KIF26A: variants seen among roughly 807,000 people sequenced by gnomAD.
KIF26A encodes the protein kinesin family member 26A, also known as kinesin-like protein KIF26A.
KIF26A carries 74 observed loss-of-function variants against 126.0 expected under a neutral mutation model. That is an observed-to-expected ratio of 0.59 (90% CI 0.49 to 0.71). The LOEUF (loss-of-function observed/expected upper bound fraction) is 0.71, where lower values mean the gene tolerates loss of function less well. KIF26A is among the 30% of genes least tolerant of loss of function. The pLI is 0.00. For synonymous variants in KIF26A, 1,445 were observed against 1,232.7 expected (o/e 1.17, Z -3.61); for missense variants, 2,984 against 2,763.3 (o/e 1.08, Z -1.79).
intron 2 of KIF26A, among the ~76,000 whole-genome samples, chr14:104,149,294 G>T (rs1396282232): frequency 6.6e-6 from 1 of 152,170 alleles, no homozygotes; most frequent in Admixed American, 6.5e-5. Flanking sequence ...TGAGAGGAGG[G>T]CCTCGTGGCC....
chr14:104,154,061 A>T (rs1477899334), intron 3 of KIF26A, among the ~76,000 whole-genome samples: 1 of 152,236 alleles, frequency 6.6e-6, no homozygotes, highest in African/African-American at 2.4e-5. Context: ...TAGGATTCAG[A>T]TGAGGTAATT....
chr14:104,140,153 T>C (rs1179862683), intron 2 of KIF26A, among the ~76,000 whole-genome samples: 1 of 152,184 alleles, frequency 6.6e-6, no homozygotes, highest in Admixed American at 6.5e-5. Flanking sequence ...TGGAGTGAGC[T>C]GAGACCCTGA....
Position 104,179,759 on chromosome 14 carries a change from C to A in KIF26A, c.5618C>A (p.Ala1873Asp). ...GACATCAGCGTTGCAGCCAGTGCTGCCATCCCGGGGCCGCAGGAGGTGGAC... is the reference window on the plus strand; with the variant it reads ...GACATCAGCGTTGCAGCCAGTGCTGACATCCCGGGGCCGCAGGAGGTGGAC... ...CFDISVAASA[A>D]IPGPQEVDV is the part of the protein sequence containing the mutation. Residue 1873 changes from alanine (A) to aspartate (D), a missense_variant, in exon 15 of 15, where the codon GCC becomes GAC. Transcript: ENST00000423312. 6.5e-7 allele frequency: 1 copy of A among 1,550,386 alleles called. No homozygotes were observed. Among genetic ancestry groups the A allele is most frequent in the Non-Finnish European group, 8.7e-7 (1 of 1,148,294 alleles).
intron 2 of KIF26A, among the ~76,000 whole-genome samples, chr14:104,145,282 G>C (rs568933395): frequency 1.3e-5 from 2 of 152,344 alleles, no homozygotes; most frequent in African/African-American, 4.8e-5. Flanking sequence ...GGCCATAGCT[G>C]CCTCTCCAGG....
At chr14:104,142,609 C>G (rs2037647174) in intron 2 of KIF26A, among the ~76,000 whole-genome samples, 1 of 152,174 alleles carries the variant, frequency 6.6e-6, no homozygotes. Context: ...TGAGATGTCC[C>G]TGTGGGAGGT....
At position 104,179,615 on chromosome 14, in the gene KIF26A, T is replaced by C; in HGVS notation, c.5474T>C (p.Val1825Ala). 1 of 1,525,858 alleles carries C rather than the reference T, an allele frequency of 6.6e-7. No individual in the cohort carries two copies. Among genetic ancestry groups the C allele is most frequent in the African/African-American group, 1.4e-5 (1 of 72,510 alleles). The allele number at this position is 1,525,858 out of a possible 1,614,324, so 94.5% of individuals were successfully genotyped here. ...EPGRWLEQFEVDPELEPESAE... is the reference protein window; with the variant it reads ...EPGRWLEQFEADPELEPESAE... ...CCTCTCCTCCCCTCCCCAGTTGAGG[T>C]GGACCCGGAGCTGGAGCCCGAGTCG... The change falls in exon 15 of 15, where the codon GTG becomes GCG. Residue 1825 changes from valine to alanine, a missense_variant. Transcript: ENST00000423312.
chr14:104,161,607 C>T (rs936081901), intron 4 of KIF26A, among the ~76,000 whole-genome samples: 2 of 152,194 alleles, frequency 1.3e-5, no homozygotes, highest in African/African-American at 2.4e-5. Context: ...CTCTGGGGGC[C>T]GTTCAGGTGC....
Position 104,171,863 on chromosome 14 carries a change from C to G in KIF26A, c.1254C>G (p.Pro418=). 1.3e-6 allele frequency: 2 copies of G among 1,555,322 alleles called. No individual in the cohort carries two copies. Among genetic ancestry groups the G allele is most frequent in the Non-Finnish European group, 1.7e-6 (2 of 1,150,546 alleles). Residue 418 remains proline (P), a synonymous_variant, in exon 6 of 15, where the codon CCC becomes CCG. Transcript: ENST00000423312. ...PAAGPPGSAG[P]RRAATAAVPK... is the part of the protein sequence containing the mutation. ...CCGGTCCCCCAGGCAGCGCAGGCCC[C>G]CGGCGAGCCGCCACTGCTGCAGTTC... is the stretch of plus-strand genomic sequence containing the variant.
chr14:104,172,729 C>T (rs568863940), intron 7 of KIF26A, 61 bp downstream of exon 7: 66 of 1,327,158 alleles, frequency 5.0e-5, no homozygotes, highest in East Asian at 3.8e-4. Context: ...ATCCTCATCA[C>T]GGTGGTTGCT....
rs1206601389 is a variant in KIF26A at position 104,165,513 on chromosome 14, CTG to C, written c.924-1344_924-1343del. Among the ~76,000 whole-genome samples, 5 of 94,632 alleles carry C rather than the reference CTG, an allele frequency of 5.3e-5. No homozygotes were observed. In the South Asian group the frequency reaches 9.2e-4, roughly 17 times the overall value. The allele number at this position is 94,632 out of a possible 152,430, so 62.1% of individuals were successfully genotyped here. A position where few individuals can be genotyped will look rare whatever the true frequency, so the allele number is the denominator to read the frequency against. On this transcript the variant is annotated intron_variant, in intron 4 of 14. Transcript: ENST00000423312. ...CATGTGCATGTGTGTCTGTGTGTCTCTGTATGCATGTGTGTATCTTTGTGTCT... is the reference window on the plus strand; with the variant it reads ...CATGTGCATGTGTGTCTGTGTGTCTCTATGCATGTGTGTATCTTTGTGTCT...
chr14:104,178,056 C>T (rs1008769365), intron 12 of KIF26A, among the ~76,000 whole-genome samples, 158 bp downstream of exon 12: 26 of 152,236 alleles, frequency 1.7e-4, no homozygotes, highest in African/African-American at 6.0e-4. Flanking sequence ...ACAGACTCGC[C>T]TGGGGCTTTT....
At chr14:104,158,058 A>G (rs2037799533) in intron 4 of KIF26A, 116 bp downstream of exon 4, 2 of 1,003,530 alleles carry the variant, frequency 2.0e-6, no homozygotes, top group Non-Finnish European at 2.8e-6. Context: ...TGCTGCTGAG[A>G]CGAGTGGATG....
At position 104,173,422 on chromosome 14, in the gene KIF26A, G is replaced by A. The variant is rs749250576; in HGVS notation, c.1776G>A (p.Ala592=). ...AALAARSTSR[A]GCGEDARRSS... Reference sequence around the variant, plus strand: ...TGGCGGCCCGCAGCACCAGCCGAGCGGGCTGTGGCGAGGACGCCCGACGCA... The same window carrying A: ...TGGCGGCCCGCAGCACCAGCCGAGCAGGCTGTGGCGAGGACGCCCGACGCA... Residue 592 remains alanine, a synonymous_variant, in exon 9 of 15, where the codon GCG becomes GCA. Transcript: ENST00000423312. 6.3e-6 allele frequency: 10 copies of A among 1,584,024 alleles called. No homozygotes were observed. Among genetic ancestry groups the A allele is most frequent in the African/African-American group, 4.0e-5 (3 of 74,190 alleles).
intron 2 of KIF26A, among the ~76,000 whole-genome samples, chr14:104,149,068 C>G (rs1432874075): frequency 6.6e-6 from 1 of 152,210 alleles, no homozygotes; most frequent in Non-Finnish European, 1.5e-5. Context: ...CTGTGCCAGC[C>G]TGGTGCAGCC....
chr14:104,173,661 G>T, intron 9 of KIF26A, 45 bp from the exon 10 acceptor site: 1 of 1,597,766 alleles, frequency 6.3e-7, no homozygotes, highest in Non-Finnish European at 8.5e-7. Context: ...AGCAGGATCT[G>T]GGGGCCCCTG....
chr14:104,174,449 A>C (rs965276277), intron 11 of KIF26A, 139 bp downstream of exon 11: 2 of 926,952 alleles, frequency 2.2e-6, no homozygotes, highest in Non-Finnish European at 3.0e-6. Context: ...TTCTGATGTC[A>C]TGAGGCTATG....
rs752491728 is a variant in KIF26A at position 104,179,418 on chromosome 14, G to C, written c.5467+32G>C. On this transcript the variant is annotated intron_variant, in intron 14 of 14. Coordinates refer to ENST00000423312, the MANE Select transcript of KIF26A (RefSeq NM_015656.2). ...CCCGCCCGCCCACGGACCCAGCCCG[G>C]CCCACCGTGTGCCCTGACAGCTGCC... 614 of 1,470,530 alleles carry C rather than the reference G, an allele frequency of 4.2e-4. 1 individual carries two copies. The highest frequency in any genetic ancestry group is 2.8e-3 in the South Asian group (203 of 72,868). 91.1% of individuals were successfully genotyped at this position (1,470,530 alleles called of 1,614,324 possible). A position where few individuals can be genotyped will look rare whatever the true frequency, so the allele number is the denominator to read the frequency against.
At chr14:104,167,117 G>T (rs1160969604) in intron 5 of KIF26A, 69 bp downstream of exon 5, 3 of 1,400,954 alleles carry the variant, frequency 2.1e-6, no homozygotes, top group African/African-American at 1.5e-5. Flanking sequence ...CGCAGGAGGG[G>T]TGAGGGAGTG....
At chr14:104,164,255 G>T (rs967811196) in intron 4 of KIF26A, among the ~76,000 whole-genome samples, 1 of 152,238 alleles carries the variant, frequency 6.6e-6, no homozygotes, top group East Asian at 1.9e-4. Flanking sequence ...GGGCTGTGGG[G>T]GGGGCGTGGG....
Sources: allele counts gnomAD v4.1 joint callset (sites outside exome capture counted in the v4.1 genomes callset), GRCh38; gene constraint gnomAD v4.1.1; transcripts MANE v1.5; gene names NCBI Gene and HGNC (gene_info 2026-07-23, HGNC 2026-07-21).